SLCO3A1: variants seen among roughly 807,000 people sequenced by gnomAD.
SLCO3A1 encodes PGE1 transporter.
SLCO3A1 carries 27 observed loss-of-function variants against 63.1 expected under a neutral mutation model. The ratio of observed to expected loss-of-function variants is 0.43; its 90% CI spans 0.32 to 0.59. The LOEUF is 0.59. Ranked by LOEUF, SLCO3A1 falls within the 20% of genes least tolerant of loss-of-function variation. The pLI is 0.09. For missense variants in SLCO3A1, 773 were observed against 945.8 expected, an observed-to-expected ratio of 0.82 and a Z score of 2.40; for synonymous variants, 473 against 409.9, an observed-to-expected ratio of 1.15 and a Z score of -1.86.
chr15:91,857,946 T>C (rs1028249418), intron 1 of SLCO3A1, among the ~76,000 whole-genome samples: 1 of 152,322 alleles, frequency 6.6e-6, no homozygotes, highest in East Asian at 1.9e-4. Context: ...TTTAGAGTTA[T>C]AGAAAAATAA....
chr15:92,172,254 T>TA (rs2151610352), exon 11 of SLCO3A1: 1 of 179,054 alleles, frequency 5.6e-6, no homozygotes, highest in African/African-American at 2.4e-5. Context: ...GCCGAGAGGG[T>TA]AAAAACCAAC....
At chr15:92,151,632 C>G (rs1211825927) in intron 9 of SLCO3A1, among the ~76,000 whole-genome samples, 2 of 152,202 alleles carry the variant, frequency 1.3e-5, no homozygotes, top group African/African-American at 2.4e-5. Flanking sequence ...ACTGGCTGGG[C>G]TGACGCTGGG....
At position 91,871,765 on chromosome 15, in the gene SLCO3A1, G is replaced by GTTTTT. The variant is rs33938693; in HGVS notation, c.180+17693_180+17697dup. ...GGTGTGCTCATTTTGTTTTTTTTTG[G>GTTTTT]TTTTTTTTTTTTTTTTTTTTGGCTG... On this transcript the variant is annotated intron_variant, in intron 1 of 9. Coordinates refer to ENST00000318445, the MANE Select transcript of SLCO3A1 (RefSeq NM_013272.4). Among the ~76,000 whole-genome samples, 74 of 45,690 alleles carry GTTTTT rather than the reference G, an allele frequency of 1.6e-3. 3 individuals are homozygous for GTTTTT. The highest frequency in any genetic ancestry group is 4.5e-3 in the African/African-American group (50 of 10,998). The allele number at this position is 45,690 out of a possible 152,430, so 30.0% of individuals were successfully genotyped here. A position where few individuals can be genotyped will look rare whatever the true frequency, so the allele number is the denominator to read the frequency against.
At position 92,164,653 on chromosome 15, in the gene SLCO3A1, T is replaced by C. The variant is rs879827764; in HGVS notation, c.*1518T>C. 7.1e-6 allele frequency: 7 copies of C among 985,306 alleles called. No homozygotes were observed. The highest frequency in any genetic ancestry group is 1.7e-5 in the African/African-American group (1 of 57,242). The allele number at this position is 985,306 out of a possible 1,614,324, so 61.0% of individuals were successfully genotyped here. ...TAGACCCACAAGCTCCTGGAAGCTG[T>C]CGTGTGTCCAATGCGTGAAAATGTC... On this transcript the variant is annotated 3_prime_UTR_variant, in exon 10 of 10. Transcript: ENST00000318445.
At chr15:92,118,743 G>C (rs992220458) in intron 4 of SLCO3A1, among the ~76,000 whole-genome samples, 2 of 152,096 alleles carry the variant, frequency 1.3e-5, no homozygotes, top group Non-Finnish European at 2.9e-5. Context: ...TTTCCTAGAC[G>C]TGGTGTAGTA....
intron 2 of SLCO3A1, among the ~76,000 whole-genome samples, chr15:92,027,126 A>C (rs2046584642): frequency 6.6e-6 from 1 of 151,958 alleles, no homozygotes; most frequent in Non-Finnish European, 1.5e-5. Context: ...ATTATTAAAC[A>C]GATGGTGAGC....
downstream of SLCO3A1, among the ~76,000 whole-genome samples, chr15:92,169,834 C>T (rs552086508): frequency 2.0e-5 from 3 of 152,312 alleles, no homozygotes; most frequent in Non-Finnish European, 4.4e-5. Context: ...GTTCAAGTCC[C>T]TGGTCAAACT....
In SLCO3A1 at chr15:91,879,599, CGAA is replaced by C. The variant is rs950988482; in HGVS notation, c.180+25517_180+25519del. 1.4e-4 allele frequency among the ~76,000 whole-genome samples: 21 copies of C among 151,966 alleles called. No individual in the cohort carries two copies. In the East Asian group the frequency reaches 4.1e-3, roughly 29 times the overall value. On this transcript the variant is annotated intron_variant, in intron 1 of 9. Coordinates refer to ENST00000318445, the MANE Select transcript of SLCO3A1 (RefSeq NM_013272.4). Reference sequence around the variant, plus strand: ...ATATGGCTGAAAACTAAGAAAAATACGAAGAAGAGAAAATGGAAGGTCAGGGCA... The same window carrying C: ...ATATGGCTGAAAACTAAGAAAAATACGAAGAGAAAATGGAAGGTCAGGGCA...
chr15:92,026,471 G>A (rs886956041), intron 2 of SLCO3A1, among the ~76,000 whole-genome samples: 1 of 152,156 alleles, frequency 6.6e-6, no homozygotes, highest in Non-Finnish European at 1.5e-5. Flanking sequence ...TTTTCCTACT[G>A]AGTAGAATGC....
In SLCO3A1 at chr15:91,885,912, T is replaced by A. The variant is rs1359744026; in HGVS notation, c.181-30081T>A. 6.6e-6 allele frequency among the ~76,000 whole-genome samples: 1 copy of A among 152,136 alleles called. No individual in the cohort carries two copies. The highest frequency in any genetic ancestry group is 1.9e-4 in the East Asian group (1 of 5,192). On this transcript the variant is annotated intron_variant, in intron 1 of 9. Coordinates refer to ENST00000318445, the MANE Select transcript of SLCO3A1 (RefSeq NM_013272.4). The surrounding 1 kb of genome is among the most constrained non-coding windows in gnomAD (Gnocchi z 4.7). ...GAGGGACTAGGAAGTGCAAAGGCCCTGGGGTTGAAATATGCTTGATGTGGT... is the reference window on the plus strand; with the variant it reads ...GAGGGACTAGGAAGTGCAAAGGCCCAGGGGTTGAAATATGCTTGATGTGGT...
At chr15:91,986,990 C>T (rs1301473879) in intron 2 of SLCO3A1, among the ~76,000 whole-genome samples, 2 of 152,136 alleles carry the variant, frequency 1.3e-5, no homozygotes, top group African/African-American at 2.4e-5. Context: ...TGCTGTCCAT[C>T]TCAGTGTATC....
rs192035885 is a variant in SLCO3A1, at chr15:91,993,852, A to G, written c.646+77394A>G. 2.6e-3 allele frequency among the ~76,000 whole-genome samples: 389 copies of G among 152,318 alleles called. 2 individuals are homozygous for G. The highest frequency in any genetic ancestry group is 9.1e-3 in the African/African-American group (377 of 41,568). On this transcript the variant is annotated intron_variant, in intron 2 of 9. Transcript: ENST00000318445. ...TCTTGGATCGCTTGCTCTGGAGGGA[A>G]GCTGGTCACCATGTTGTGAGGACAC...
intron 2 of SLCO3A1, among the ~76,000 whole-genome samples, chr15:92,060,259 A>C (rs977192743): frequency 8.6e-5 from 13 of 151,870 alleles, no homozygotes; most frequent in Admixed American, 2.6e-4. Context: ...TTTTCTTCAC[A>C]AATAAATTAA....
chr15:92,077,883 G>A (rs2151520588), intron 2 of SLCO3A1, among the ~76,000 whole-genome samples: 1 of 152,266 alleles, frequency 6.6e-6, no homozygotes, highest in South Asian at 2.1e-4. Context: ...TGAGTGGGAG[G>A]AAGTGCAGGA....
chr15:92,110,755 C>T (rs1050562048), intron 4 of SLCO3A1, among the ~76,000 whole-genome samples: 29 of 152,206 alleles, frequency 1.9e-4, no homozygotes, highest in African/African-American at 6.0e-4. Context: ...TCCTGGTACA[C>T]AGCAGGTGCT....
At chr15:91,910,563 G>C (rs1898452205) in intron 1 of SLCO3A1, among the ~76,000 whole-genome samples, 1 of 152,194 alleles carries the variant, frequency 6.6e-6, no homozygotes, top group Non-Finnish European at 1.5e-5. Context: ...CTTCATTAAT[G>C]TCCGCAGAAG....
intron 3 of SLCO3A1, among the ~76,000 whole-genome samples, chr15:92,101,007 G>C (rs2047598418): frequency 6.6e-6 from 1 of 152,176 alleles, no homozygotes; most frequent in African/African-American, 2.4e-5. Flanking sequence ...ACTTCACAGA[G>C]TGAGGAGGTG....
chr15:92,106,092 T>C (rs2047664276), intron 4 of SLCO3A1, among the ~76,000 whole-genome samples: 2 of 152,236 alleles, frequency 1.3e-5, no homozygotes, highest in Admixed American at 6.5e-5. Flanking sequence ...ATGAAAGCAC[T>C]GCTGCAGAAG....
At chr15:91,896,770 A>C (rs1898014901) in intron 1 of SLCO3A1, among the ~76,000 whole-genome samples, 1 of 152,210 alleles carries the variant, frequency 6.6e-6, no homozygotes, top group Non-Finnish European at 1.5e-5. Context: ...GTGAGAACAG[A>C]CTAATACAGA....
Sources: allele counts gnomAD v4.1 joint callset (sites outside exome capture counted in the v4.1 genomes callset), GRCh38; gene constraint gnomAD v4.1.1; non-coding constraint Gnocchi (gnomAD v3.1); transcripts MANE v1.5; gene names NCBI Gene and HGNC (gene_info 2026-07-23, HGNC 2026-07-21).